Variants in UMAD1 observed in about 807,000 individuals in gnomAD.
UMAD1 encodes UBAP1-MVB12-associated (UMA)-domain containing protein 1.
UMAD1 carries 8 observed loss-of-function variants against 6.1 expected under a neutral mutation model. That is an observed-to-expected ratio of 1.30 (90% CI 0.76 to 2.35). The LOEUF is 2.35. Ranked by LOEUF, UMAD1 falls within the 30% of genes most tolerant of loss-of-function variation. The pLI, the probability that UMAD1 is intolerant of heterozygous loss-of-function variation, is 0.00. For missense variants in UMAD1, 130 were observed against 78.4 expected (o/e 1.66, Z -2.49); for synonymous variants, 56 against 31.4 (o/e 1.78, Z -2.61).
At chr7:7,775,619 A>G (rs1782189922) in intron 2 of UMAD1, among the ~76,000 whole-genome samples, 2 of 152,188 alleles carry the variant, frequency 1.3e-5, no homozygotes, top group Non-Finnish European at 2.9e-5. Context: ...TACTACACCC[A>G]CTAGAAAGGC....
chr7:7,853,445 G>A (rs553674349), intron 3 of UMAD1, among the ~76,000 whole-genome samples: 15 of 152,086 alleles, frequency 9.9e-5, no homozygotes, highest in African/African-American at 2.9e-4. Context: ...ATACATGAGC[G>A]TGGGATTTTT....
At chr7:7,744,490 T>C (rs971036695) in intron 2 of UMAD1, among the ~76,000 whole-genome samples, 1 of 152,164 alleles carries the variant, frequency 6.6e-6, no homozygotes, top group African/African-American at 2.4e-5. Flanking sequence ...ATTCGAGGAA[T>C]TGCCAGACAA....
At chr7:7,667,656 G>A (rs1294921065) in intron 1 of UMAD1, among the ~76,000 whole-genome samples, 1 of 152,194 alleles carries the variant, frequency 6.6e-6, no homozygotes, top group Non-Finnish European at 1.5e-5. Context: ...GGTAGTAAAT[G>A]TCTTCACAGC....
intron 3 of UMAD1, among the ~76,000 whole-genome samples, chr7:7,812,256 G>A (rs942397567): frequency 6.6e-6 from 1 of 152,140 alleles, no homozygotes; most frequent in Non-Finnish European, 1.5e-5. Flanking sequence ...TATGGTGTGG[G>A]TAAGCCAGTA....
rs1558475 is a variant in UMAD1 at position 7,877,729 on chromosome 7, T to G, written c.*191T>G. 7.3e-6 allele frequency: 4 copies of G among 549,372 alleles called. No individual in the cohort carries two copies. The East Asian group carries it at 8.8e-5, about 12-fold the overall frequency. 34.0% of individuals were successfully genotyped at this position (549,372 alleles called of 1,614,324 possible). A position where few individuals can be genotyped will look rare whatever the true frequency, so the allele number is the denominator to read the frequency against. ...TTGTATACAAATTGAACTTAAGTTC[T>G]ACTTCCTTTCTCCCATATAATAAAT... On this transcript the variant is annotated 3_prime_UTR_variant, in exon 4 of 4. Coordinates refer to ENST00000682710, the MANE Select transcript of UMAD1 (RefSeq NM_001302348.2).
intron 2 of UMAD1, among the ~76,000 whole-genome samples, chr7:7,795,737 G>A (rs1412528991): frequency 2.0e-5 from 3 of 152,202 alleles, no homozygotes; most frequent in Non-Finnish European, 4.4e-5. Context: ...TGTGTAAACA[G>A]TCATGACGTT....
chr7:7,705,698 A>C (rs942467373), intron 2 of UMAD1, among the ~76,000 whole-genome samples: 1 of 152,198 alleles, frequency 6.6e-6, no homozygotes, highest in Non-Finnish European at 1.5e-5. Context: ...AACTACTCTT[A>C]TGTTAATATA....
chr7:7,847,105 ATATATATATATATATATATATATATATAT>A (rs1783816695), intron 3 of UMAD1, among the ~76,000 whole-genome samples: 4 of 4,538 alleles, frequency 8.8e-4, no homozygotes, highest in Admixed American at 2.4e-3. Context: ...AAAAAAAAAA[ATATATATATATATATATATATATATATAT>A]ATATATATAT....
At chr7:7,650,696 C>A (rs568585070) in intron 1 of UMAD1, among the ~76,000 whole-genome samples, 4 of 152,210 alleles carry the variant, frequency 2.6e-5, no homozygotes, top group African/African-American at 9.7e-5. Context: ...TTGTGCCAAA[C>A]GCACCTTGAT....
chr7:7,852,046 G>C (rs555415047), intron 3 of UMAD1, among the ~76,000 whole-genome samples: 4 of 152,042 alleles, frequency 2.6e-5, no homozygotes, highest in Admixed American at 2.6e-4. Flanking sequence ...GTTAATTTTT[G>C]TATATGGTTT....
intron 2 of UMAD1, among the ~76,000 whole-genome samples, chr7:7,749,692 C>G (rs1039710206): frequency 4.0e-5 from 6 of 151,886 alleles, no homozygotes; most frequent in Non-Finnish European, 4.4e-5. Context: ...TTGCTGTGAT[C>G]TAATATGTAG....
chr7:7,791,664 C>T (rs1782569609), intron 2 of UMAD1, among the ~76,000 whole-genome samples: 1 of 152,172 alleles, frequency 6.6e-6, no homozygotes, highest in South Asian at 2.1e-4. Context: ...AGACTGAGAA[C>T]TAAGGACATC....
chr7:7,828,308 G>T (rs545973633), intron 3 of UMAD1, among the ~76,000 whole-genome samples: 1 of 152,258 alleles, frequency 6.6e-6, no homozygotes, highest in South Asian at 2.1e-4. Context: ...TACAGTGCAT[G>T]CACATATATC....
At chr7:7,804,164 A>G (rs6463724) in intron 3 of UMAD1, among the ~76,000 whole-genome samples, 99,735 of 152,042 alleles carry the variant, frequency 0.66, 34,122 homozygotes, top group African/African-American at 0.87. Context: ...GGGCAATGAG[A>G]GGACAGTGTT....
At chr7:7,831,637 G>A (rs555013790) in intron 3 of UMAD1, among the ~76,000 whole-genome samples, 1 of 152,264 alleles carries the variant, frequency 6.6e-6, no homozygotes, top group East Asian at 1.9e-4. Flanking sequence ...CCCGGAACTG[G>A]GAGCCCTGAT....
intron 3 of UMAD1, among the ~76,000 whole-genome samples, chr7:7,817,500 T>C (rs1783154571): frequency 1.3e-5 from 2 of 152,216 alleles, no homozygotes; most frequent in African/African-American, 4.8e-5. Flanking sequence ...GAAACATTAC[T>C]TCATCTCTCC....
intron 2 of UMAD1, among the ~76,000 whole-genome samples, chr7:7,752,547 T>C (rs1258370019): frequency 6.6e-6 from 1 of 152,100 alleles, no homozygotes; most frequent in African/African-American, 2.4e-5. Flanking sequence ...TCCCAAATTT[T>C]ACAGTGATCC....
chr7:7,687,247 T>G (rs573047595), intron 2 of UMAD1: 5 of 152,370 alleles, frequency 3.3e-5, no homozygotes, highest in South Asian at 4.1e-4. Flanking sequence ...CTCATTTTCC[T>G]TTTGTGTGAA....
intron 2 of UMAD1, among the ~76,000 whole-genome samples, chr7:7,762,955 C>T (rs140610732): frequency 1.3e-4 from 19 of 151,724 alleles, no homozygotes; most frequent in African/African-American, 2.9e-4. Context: ...CACTCTTAAA[C>T]GAAAATAGAG....
Sources: allele counts gnomAD v4.1 joint callset (sites outside exome capture counted in the v4.1 genomes callset), GRCh38; gene constraint gnomAD v4.1.1; transcripts MANE v1.5; gene names NCBI Gene and HGNC (gene_info 2026-07-23, HGNC 2026-07-21).